POLR3G: variants seen among roughly 807,000 people sequenced by gnomAD.
POLR3G encodes the protein DNA-directed RNA polymerase III subunit RPC7.
A neutral mutation model predicts 30.1 loss-of-function variants in POLR3G; 28 were observed. The ratio of observed to expected loss-of-function variants is 0.93; its 90% CI spans 0.69 to 1.27. POLR3G has a LOEUF of 1.27. POLR3G is among the 50% of genes most tolerant of loss of function. The pLI is 0.00. For synonymous variants in POLR3G, 79 were observed against 82.5 expected (o/e 0.96, Z 0.23); for missense variants, 254 against 264.6 (o/e 0.96, Z 0.28).
intron 1 of POLR3G, among the ~76,000 whole-genome samples, chr5:90,479,468 A>G (rs1751013427): frequency 6.6e-6 from 1 of 152,172 alleles, no homozygotes; most frequent in Non-Finnish European, 1.5e-5. Flanking sequence ...GCAAGAGTCC[A>G]TCTCGGGAAA....
chr5:90,483,273 G>A (rs928668534), intron 1 of POLR3G, among the ~76,000 whole-genome samples: 1 of 151,986 alleles, frequency 6.6e-6, no homozygotes, highest in African/African-American at 2.4e-5. Flanking sequence ...CAATTCCCCT[G>A]TCTTGATAAA....
At chr5:90,509,512 A>G (rs1378942916) in intron 7 of POLR3G, among the ~76,000 whole-genome samples, 1 of 152,250 alleles carries the variant, frequency 6.6e-6, no homozygotes, top group Non-Finnish European at 1.5e-5. Flanking sequence ...GCTGTGATAC[A>G]GTAGTACCGG....
At position 90,512,133 on chromosome 5, in the gene POLR3G, C is replaced by A; in HGVS notation, c.666C>A (p.Thr222=). ...ADSDDNMDEA[T]Y ...GTGATGACAACATGGATGAGGCAACCTATTAGGCATGAAATTTTTCAAAAA... is the reference window on the plus strand; with the variant it reads ...GTGATGACAACATGGATGAGGCAACATATTAGGCATGAAATTTTTCAAAAA... Residue 222 remains threonine (T), a synonymous_variant, in exon 8 of 8, where the codon ACC becomes ACA. Coordinates refer to ENST00000651687, the MANE Select transcript of POLR3G (RefSeq NM_006467.3). 1 of 1,589,894 alleles carries A rather than the reference C, an allele frequency of 6.3e-7. No homozygotes were observed. The highest frequency in any genetic ancestry group is 1.1e-5 in the South Asian group (1 of 90,444).
intron 1 of POLR3G, among the ~76,000 whole-genome samples, chr5:90,482,803 G>A (rs138031178): frequency 9.2e-4 from 140 of 152,164 alleles, no homozygotes; most frequent in African/African-American, 3.2e-3. Context: ...ACCTATCTGC[G>A]CTTCCAGTTC....
At chr5:90,505,702 G>A (rs1752451035) in intron 6 of POLR3G, among the ~76,000 whole-genome samples, 1 of 152,080 alleles carries the variant, frequency 6.6e-6, no homozygotes, top group African/African-American at 2.4e-5. Flanking sequence ...CTGGCAACAG[G>A]AAGTAAATAA....
At chr5:90,496,192 T>C (rs1245982935) in intron 4 of POLR3G, among the ~76,000 whole-genome samples, 1 of 151,982 alleles carries the variant, frequency 6.6e-6, no homozygotes, top group Non-Finnish European at 1.5e-5. Context: ...AGAATGGTCT[T>C]GATCTGACCT....
intron 1 of POLR3G, among the ~76,000 whole-genome samples, chr5:90,477,051 T>C (rs1750860418): frequency 6.6e-6 from 1 of 152,198 alleles, no homozygotes; most frequent in Admixed American, 6.5e-5. Flanking sequence ...TTGATTGGAT[T>C]GAAGAGGCTC....
intron 3 of POLR3G, among the ~76,000 whole-genome samples, chr5:90,488,748 G>T (rs1751576137): frequency 6.6e-6 from 1 of 152,038 alleles, no homozygotes; most frequent in African/African-American, 2.4e-5. Context: ...AAATTTTTGA[G>T]ACTTAATTTT....
rs375266705 is a variant in POLR3G at position 90,502,052 on chromosome 5, C to A, written c.438+64C>A. On this transcript the variant is annotated intron_variant, in intron 6 of 7. Transcript: ENST00000651687. Reference sequence around the variant, plus strand: ...ATGTAAAAGATCCTACCTCGTTTTGCTCTGTTTCAACCTTTCAGCATTCTC... The same window carrying A: ...ATGTAAAAGATCCTACCTCGTTTTGATCTGTTTCAACCTTTCAGCATTCTC... The A allele has an allele frequency of 3.2e-6, 5 of 1,564,018 alleles. No individual in the cohort carries two copies. The East Asian group carries it at 7.2e-5, about 23-fold the overall frequency.
At chr5:90,490,571 A>ATTTTTT in intron 3 of POLR3G, 12 of 314,544 alleles carry the variant, frequency 3.8e-5, no homozygotes, top group South Asian at 1.2e-4. Context: ...CTAACTTTTA[A>ATTTTTT]TTTTTTTTTT....
chr5:90,506,479 C>G (rs1287803629), intron 6 of POLR3G, 49 bp from the exon 7 acceptor site: 6 of 1,574,368 alleles, frequency 3.8e-6, no homozygotes, highest in Non-Finnish European at 5.2e-6. Context: ...GCAGGGAAGT[C>G]AGCAGTCTAG....
At chr5:90,502,682 G>A (rs969471426) in intron 6 of POLR3G, among the ~76,000 whole-genome samples, 36 of 151,956 alleles carry the variant, frequency 2.4e-4, no homozygotes, top group Admixed American at 1.7e-3. Context: ...TAGCAAATAC[G>A]AGGTTTCTTT....
chr5:90,473,974 C>T (rs753330783), upstream of POLR3G: 1 of 1,598,344 alleles, frequency 6.3e-7, no homozygotes, highest in Non-Finnish European at 8.5e-7. Context: ...CGAGCCAGCG[C>T]CTCGGCCTCG....
chr5:90,487,063 C>A (rs553845045), intron 2 of POLR3G, among the ~76,000 whole-genome samples: 1 of 152,076 alleles, frequency 6.6e-6, no homozygotes, highest in African/African-American at 2.4e-5. Flanking sequence ...CATACAAACG[C>A]GTATTTGTGT....
At chr5:90,494,694 A>G (rs1164277661) in intron 3 of POLR3G, among the ~76,000 whole-genome samples, 1 of 152,066 alleles carries the variant, frequency 6.6e-6, no homozygotes, top group Non-Finnish European at 1.5e-5. Context: ...TCTTTAGAGA[A>G]TTGTCTATTC....
intron 7 of POLR3G, 119 bp from the exon 8 acceptor site, chr5:90,511,934 C>T (rs1752757405): frequency 1.0e-5 from 7 of 680,978 alleles, no homozygotes; most frequent in Non-Finnish European, 1.8e-5. Context: ...CACAGGTAAA[C>T]ACAAGTGAAA....
rs1197077056 is a variant in POLR3G at position 90,513,269 on chromosome 5, T to C, written c.*1130T>C. 2.0e-5 allele frequency: 3 copies of C among 152,624 alleles called. No homozygotes were observed. Among genetic ancestry groups the C allele is most frequent in the Non-Finnish European group, 2.9e-5 (2 of 68,004 alleles). The allele number at this position is 152,624 out of a possible 1,614,324, so 9.5% of individuals were successfully genotyped here. On this transcript the variant is annotated 3_prime_UTR_variant, in exon 8 of 8. Transcript: ENST00000651687. ...ATTTTATTTTTCCCCTTTGGGGAGA[T>C]ATTATCCTCTAATATGAGAATCAGA... is the stretch of plus-strand genomic sequence containing the variant.
At chr5:90,497,528 G>T in intron 4 of POLR3G, 128 bp from the exon 5 acceptor site, 1 of 1,068,816 alleles carries the variant, frequency 9.4e-7, no homozygotes, top group Non-Finnish European at 1.3e-6. Flanking sequence ...AGCTAAATTT[G>T]TAAAGTCAGA....
Position 90,495,745 on chromosome 5 carries a change from A to G in POLR3G, c.304+12A>G. 6.3e-7 allele frequency: 1 copy of G among 1,588,340 alleles called. No individual in the cohort carries two copies. Among genetic ancestry groups the G allele is most frequent in the South Asian group, 1.2e-5 (1 of 84,460 alleles). Reference sequence around the variant, plus strand: ...AGAATGGATACCAGGTAACTACAAAACACACAATATGAAAACAGTTTTTAA... The same window carrying G: ...AGAATGGATACCAGGTAACTACAAAGCACACAATATGAAAACAGTTTTTAA... On this transcript the variant is annotated intron_variant, in intron 4 of 7. Transcript: ENST00000651687.
Sources: gnomAD v4.1 joint callset for allele counts (sites outside exome capture counted in the v4.1 genomes callset) on GRCh38, gnomAD v4.1.1 for gene constraint, MANE v1.5 for transcripts, NCBI Gene and HGNC (gene_info 2026-07-23, HGNC 2026-07-21) for gene names.